The following NEBL variants were observed in gnomAD, a reference collection of about 807,000 sequenced individuals.
NEBL encodes the protein LIM and SH3 protein 2.
Under a neutral mutation model 140.2 loss-of-function variants are expected in NEBL, and 122 were observed. The ratio of observed to expected loss-of-function variants is 0.87; its 90% CI spans 0.75 to 1.01. The LOEUF (loss-of-function observed/expected upper bound fraction) is 1.01, where lower values mean the gene tolerates loss of function less well. Ranked by LOEUF, NEBL falls within the 50% of genes least tolerant of loss-of-function variation. The pLI is 0.00. For synonymous variants in NEBL, 436 were observed against 398.9 expected (o/e 1.09, Z -1.11); for missense variants, 1,365 against 1,231.3 (o/e 1.11, Z -1.62).
chr10:21,058,792 T>G (rs1037824236), intron 2 of NEBL, among the ~76,000 whole-genome samples: 5 of 152,176 alleles, frequency 3.3e-5, no homozygotes, highest in South Asian at 2.1e-4. Flanking sequence ...GTATATAATT[T>G]AGTTCATTTC....
intron 3 of NEBL, among the ~76,000 whole-genome samples, chr10:21,199,182 A>T (rs1199603996): frequency 6.6e-6 from 1 of 150,650 alleles, no homozygotes; most frequent in Non-Finnish European, 1.5e-5. Flanking sequence ...GAGCCACCAC[A>T]CCTGGCCAAA....
chr10:20,902,937 T>A (rs369884679), intron 4 of NEBL, among the ~76,000 whole-genome samples: 3 of 152,328 alleles, frequency 2.0e-5, no homozygotes, highest in African/African-American at 4.8e-5. Flanking sequence ...AACAAATTAC[T>A]GAGTGTTCCC....
At chr10:21,178,414 ACT>A (rs1019264944), upstream of NEBL, among the ~76,000 whole-genome samples, 2 of 152,160 alleles carry the variant, frequency 1.3e-5, no homozygotes, top group African/African-American at 4.8e-5. Context: ...CTAAAATAAA[ACT>A]CTACTCTAGA....
At chr10:20,891,030 G>A (rs933882765) in intron 2 of NEBL, among the ~76,000 whole-genome samples, 3 of 152,156 alleles carry the variant, frequency 2.0e-5, no homozygotes, top group African/African-American at 7.2e-5. Flanking sequence ...GAGCTGAATT[G>A]TATATACTAC....
chr10:21,158,707 C>T (rs773615473), intron 2 of NEBL, among the ~76,000 whole-genome samples: 4 of 152,162 alleles, frequency 2.6e-5, no homozygotes, highest in Non-Finnish European at 5.9e-5. Context: ...TTTCCTTAAT[C>T]CAACGCAAAA....
At chr10:20,991,765 TC>T (rs1180806943) in intron 3 of NEBL, among the ~76,000 whole-genome samples, 3 of 33,474 alleles carry the variant, frequency 9.0e-5, no homozygotes, top group African/African-American at 3.3e-4. Context: ...CCTCCCTCCC[TC>T]CCCCCCTCCC....
chr10:20,942,896 T>G (rs565203637), intron 4 of NEBL, among the ~76,000 whole-genome samples: 1 of 152,062 alleles, frequency 6.6e-6, no homozygotes, highest in East Asian at 1.9e-4. Flanking sequence ...GAGATACCAT[T>G]TCACACCAGT....
At chr10:20,963,557 G>T (rs186019283) in intron 3 of NEBL, among the ~76,000 whole-genome samples, 328 of 152,176 alleles carry the variant, frequency 2.2e-3, no homozygotes, top group African/African-American at 7.4e-3. Flanking sequence ...GGTATTTTTG[G>T]TTTTTTCTTT....
intron 2 of NEBL, among the ~76,000 whole-genome samples, chr10:21,132,977 A>G (rs1201547032): frequency 1.3e-5 from 2 of 152,140 alleles, no homozygotes; most frequent in African/African-American, 2.4e-5. Flanking sequence ...GTGTTTTTAA[A>G]TGTTGATGAA....
chr10:21,058,468 A>G (rs1156946089), intron 2 of NEBL, among the ~76,000 whole-genome samples: 1 of 152,234 alleles, frequency 6.6e-6, no homozygotes, highest in African/African-American at 2.4e-5. Context: ...AATATGGAGA[A>G]AAAAAGGAAA....
chr10:21,244,207 AAGCTGGAGCGC>A (rs1842483815), intron 3 of NEBL, among the ~76,000 whole-genome samples: 1 of 151,890 alleles, frequency 6.6e-6, no homozygotes, highest in Non-Finnish European at 1.5e-5. Flanking sequence ...TCTGTCTCCC[AAGCTGGAGCGC>A]AGTGTGGCCC....
At chr10:21,280,078 C>T (rs1842973211) in intron 1 of NEBL, among the ~76,000 whole-genome samples, 1 of 152,124 alleles carries the variant, frequency 6.6e-6, no homozygotes, top group African/African-American at 2.4e-5. Context: ...TTGAAATAAT[C>T]TTCTGATTGA....
chr10:21,191,652 A>G (rs1482990902), intron 3 of NEBL, among the ~76,000 whole-genome samples: 2 of 152,172 alleles, frequency 1.3e-5, no homozygotes, highest in African/African-American at 2.4e-5. Context: ...CTGTGATTCC[A>G]TTATGTAATT....
intron 3 of NEBL, among the ~76,000 whole-genome samples, chr10:21,015,809 G>A (rs189099290): frequency 1.3e-5 from 2 of 152,284 alleles, no homozygotes; most frequent in East Asian, 1.9e-4. Context: ...CACAGCACCC[G>A]GCTAGAAATT....
chr10:21,252,512 G>A (rs1842599694), intron 1 of NEBL, among the ~76,000 whole-genome samples: 1 of 152,132 alleles, frequency 6.6e-6, no homozygotes. Flanking sequence ...CATGTTGAGA[G>A]TTTTTAAGGA....
At chr10:21,082,421 G>A (rs1173690712) in intron 2 of NEBL, among the ~76,000 whole-genome samples, 1 of 151,616 alleles carries the variant, frequency 6.6e-6, no homozygotes, top group African/African-American at 2.4e-5. Context: ...TAAAATATTT[G>A]GCAATGAGGA....
chr10:20,845,711 T>C (rs565458634), intron 11 of NEBL, among the ~76,000 whole-genome samples: 1 of 152,088 alleles, frequency 6.6e-6, no homozygotes, highest in South Asian at 2.1e-4. Context: ...CCAAGGTGAG[T>C]GGATCCACTG....
intron 26 of NEBL, among the ~76,000 whole-genome samples, chr10:20,792,844 A>T (rs1425184419): frequency 6.6e-6 from 1 of 152,004 alleles, no homozygotes; most frequent in East Asian, 1.9e-4. Context: ...TCCATGAGCA[A>T]GGTGGCTGTG....
chr10:21,053,221 T>C (rs930453081), intron 2 of NEBL, among the ~76,000 whole-genome samples: 3 of 152,186 alleles, frequency 2.0e-5, no homozygotes, highest in South Asian at 2.1e-4. Flanking sequence ...CCCCCTACCA[T>C]CTTGAGCATA....
Sources: allele counts gnomAD v4.1 joint callset (sites outside exome capture counted in the v4.1 genomes callset), GRCh38; gene constraint gnomAD v4.1.1; transcripts MANE v1.5; gene names NCBI Gene and HGNC (gene_info 2026-07-23, HGNC 2026-07-21).